Variants in ANKS1B observed in about 807,000 individuals in gnomAD.
The protein encoded by ANKS1B is ankyrin repeat and sterile alpha motif domain-containing protein 1B.
In ANKS1B, 36 loss-of-function variants were observed where a neutral mutation model predicts 148.3. The observed-to-expected ratio is 0.24, with a 90% CI of 0.19 to 0.32. ANKS1B has a LOEUF of 0.32. Among genes scored for constraint, ANKS1B ranks in the 10% least tolerant of loss-of-function variants. The pLI is 1.00. For missense variants in ANKS1B, 1,157 were observed against 1,542.6 expected (o/e 0.75, Z 4.19); for synonymous variants, 542 against 560.8 (o/e 0.97, Z 0.47).
Position 99,806,535 on chromosome 12 carries a change from T to C in ANKS1B, c.538A>G (p.Ile180Val), listed in dbSNP as rs1407400673. Residue 180 changes from isoleucine to valine, a missense_variant, in exon 4 of 27, where the codon ATC becomes GTC. Physicochemically the swap from Ile to Val is conservative, Grantham distance 29. This residue lies in a region of ANKS1B where 164 missense variants were observed against 232.6 expected (regional missense o/e 0.71). Coordinates refer to ENST00000683438, the MANE Select transcript of ANKS1B (RefSeq NM_001352186.2). Reference protein sequence around the residue: ...LYGRLRVVKMIISAHPNLMSC... With the variant: ...LYGRLRVVKMVISAHPNLMSC... ...ATTAAGTTAGGATGTGCACTGATGA[T>C]CATTTTTACCACTCTAAGCCGTCCG... 1 of 1,613,934 alleles carries C rather than the reference T, an allele frequency of 6.2e-7. No homozygotes were observed. Among genetic ancestry groups the C allele is most frequent in the Non-Finnish European group, 8.5e-7 (1 of 1,179,870 alleles).
At chr12:99,505,114 G>A (rs1030199862) in intron 9 of ANKS1B, among the ~76,000 whole-genome samples, 1 of 152,026 alleles carries the variant, frequency 6.6e-6, no homozygotes, top group African/African-American at 2.4e-5. Flanking sequence ...CAGAGCCAAG[G>A]CCATCCCCAG....
chr12:98,906,588 C>T (rs1301918303), intron 17 of ANKS1B, among the ~76,000 whole-genome samples: 1 of 152,160 alleles, frequency 6.6e-6, no homozygotes, highest in Non-Finnish European at 1.5e-5. Context: ...TGTTCCCTGA[C>T]GACTGGCTTC....
chr12:99,172,612 T>C (rs1165270687), intron 14 of ANKS1B, among the ~76,000 whole-genome samples: 3 of 152,218 alleles, frequency 2.0e-5, no homozygotes, highest in Non-Finnish European at 4.4e-5. Context: ...ATGAGAGGAT[T>C]CTTCCCATAG....
intron 14 of ANKS1B, among the ~76,000 whole-genome samples, chr12:99,198,428 C>A (rs1174994222): frequency 3.3e-5 from 5 of 152,118 alleles, no homozygotes; most frequent in African/African-American, 1.2e-4. Flanking sequence ...ATGAATATAG[C>A]ACTAGGGATT....
At chr12:99,626,338 T>C (rs546367613) in intron 9 of ANKS1B, among the ~76,000 whole-genome samples, 1 of 152,286 alleles carries the variant, frequency 6.6e-6, no homozygotes. Flanking sequence ...CAAAGGTATT[T>C]AACATGCTGT....
At chr12:99,520,611 T>G (rs901906321) in intron 9 of ANKS1B, among the ~76,000 whole-genome samples, 3 of 152,186 alleles carry the variant, frequency 2.0e-5, no homozygotes, top group African/African-American at 4.8e-5. Flanking sequence ...GTTGATATCT[T>G]TCTCTAGATT....
At chr12:98,780,964 C>A (rs531854223) in intron 24 of ANKS1B, among the ~76,000 whole-genome samples, 153 bp downstream of exon 24, 3 of 151,686 alleles carry the variant, frequency 2.0e-5, no homozygotes, top group African/African-American at 7.3e-5. Context: ...TGTACATGAG[C>A]GTGTATCTAT....
At chr12:98,922,551 T>A (rs949421096) in intron 17 of ANKS1B, among the ~76,000 whole-genome samples, 6 of 152,178 alleles carry the variant, frequency 3.9e-5, no homozygotes, top group Non-Finnish European at 7.4e-5. Context: ...CAGGCTGGAG[T>A]GCAGTGGCAC....
rs1397325057 is a variant in ANKS1B at position 99,917,415 on chromosome 12, AT to A, written c.134+66688del. On this transcript the variant is annotated intron_variant, in intron 1 of 26. Transcript: ENST00000683438. ...TCAGGGATGGAGGCTATGCATGGGC[AT>A]AAAAGCATATACTCCCTCTCACCAA... Among the ~76,000 whole-genome samples the A allele has an allele frequency of 1.4e-4, 21 of 152,354 alleles. No homozygotes were observed. The East Asian group carries it at 4.1e-3, about 29-fold the overall frequency.
At chr12:99,055,206 G>C (rs979865292) in intron 16 of ANKS1B, among the ~76,000 whole-genome samples, 3 of 152,186 alleles carry the variant, frequency 2.0e-5, no homozygotes, top group Non-Finnish European at 2.9e-5. Flanking sequence ...TTAAAAGGTG[G>C]TTGAACTAAC....
intron 1 of ANKS1B, among the ~76,000 whole-genome samples, chr12:99,919,557 T>C (rs894028839): frequency 7.9e-5 from 12 of 152,138 alleles, no homozygotes; most frequent in African/African-American, 2.4e-4. Flanking sequence ...ATAACAATAA[T>C]AGATTAGAAA....
At chr12:99,704,408 T>C (rs2153525933) in intron 8 of ANKS1B, among the ~76,000 whole-genome samples, 1 of 152,192 alleles carries the variant, frequency 6.6e-6, no homozygotes, top group East Asian at 1.9e-4. Context: ...AGAACTAACT[T>C]ACCCAAGACA....
intron 17 of ANKS1B, among the ~76,000 whole-genome samples, chr12:98,941,314 C>G (rs987075037): frequency 6.6e-6 from 1 of 152,184 alleles, no homozygotes; most frequent in Non-Finnish European, 1.5e-5. Flanking sequence ...GACAGTGCTT[C>G]AGCTCCATGC....
chr12:98,920,569 C>A (rs573464062), intron 17 of ANKS1B, among the ~76,000 whole-genome samples: 1 of 152,306 alleles, frequency 6.6e-6, no homozygotes, highest in Admixed American at 6.5e-5. Flanking sequence ...GATCTTGTGA[C>A]ATTTATTCAC....
At chr12:99,971,753 TA>T (rs1487511432) in intron 1 of ANKS1B, among the ~76,000 whole-genome samples, 1 of 152,182 alleles carries the variant, frequency 6.6e-6, no homozygotes, top group African/African-American at 2.4e-5. Flanking sequence ...ACAATTTTTT[TA>T]AAAAGAAAAA....
chr12:99,627,418 T>C (rs572859271), intron 9 of ANKS1B, among the ~76,000 whole-genome samples: 1 of 152,278 alleles, frequency 6.6e-6, no homozygotes, highest in Non-Finnish European at 1.5e-5. Flanking sequence ...GTTCATTTAA[T>C]CCTCACAAAG....
At chr12:98,843,500 T>C (rs2099420718) in intron 17 of ANKS1B, among the ~76,000 whole-genome samples, 1 of 152,236 alleles carries the variant, frequency 6.6e-6, no homozygotes, top group Non-Finnish European at 1.5e-5. Context: ...TGCAGAACCA[T>C]GAACTAAATA....
At chr12:99,909,217 CGTGTGTGTGTGTGTGT>C (rs60264932) in intron 1 of ANKS1B, among the ~76,000 whole-genome samples, 28 of 137,392 alleles carry the variant, frequency 2.0e-4, no homozygotes, top group East Asian at 1.2e-3. Flanking sequence ...AATATTCCAT[CGTGTGTGTGTGTGTGT>C]GTGTGTGTGT....
chr12:99,815,300 C>T (rs971828100), intron 2 of ANKS1B, among the ~76,000 whole-genome samples: 30 of 151,784 alleles, frequency 2.0e-4, no homozygotes, highest in Middle Eastern at 6.8e-3. Flanking sequence ...ACTTACTAAT[C>T]ATTTGTATTT....
Sources: gnomAD v4.1 joint callset for allele counts (sites outside exome capture counted in the v4.1 genomes callset) on GRCh38, gnomAD v4.1.1 for gene constraint, gnomAD v4.1.1 regional missense constraint, MANE v1.5 for transcripts, NCBI Gene and HGNC (gene_info 2026-07-23, HGNC 2026-07-21) for gene names.